ADAM22: variants seen among roughly 807,000 people sequenced by gnomAD.
The protein encoded by ADAM22 is disintegrin and metalloproteinase domain-containing protein 22.
In ADAM22, 65 loss-of-function variants were observed where a neutral mutation model predicts 144.6. The ratio of observed to expected loss-of-function variants is 0.45; its 90% CI spans 0.37 to 0.55. The LOEUF is 0.55. ADAM22 is among the 20% of genes least tolerant of loss of function. The pLI is 0.00. For synonymous variants in ADAM22, 391 were observed against 412.6 expected, an observed-to-expected ratio of 0.95 and a Z score of 0.63; for missense variants, 974 against 1,184.9, an observed-to-expected ratio of 0.82 and a Z score of 2.61.
intron 31 of ADAM22, among the ~76,000 whole-genome samples, chr7:88,195,240 CA>C (rs1295927927): frequency 6.6e-6 from 1 of 152,132 alleles, no homozygotes; most frequent in East Asian, 1.9e-4. Flanking sequence ...TGCCTGGAAA[CA>C]TATTTCATCA....
intron 4 of ADAM22, among the ~76,000 whole-genome samples, chr7:88,100,092 G>T (rs1822507450): frequency 6.6e-6 from 1 of 152,008 alleles, no homozygotes; most frequent in African/African-American, 2.4e-5. Flanking sequence ...AGAAATATAA[G>T]ATATTAACAA....
At chr7:87,954,190 G>A (rs1412989246) in intron 2 of ADAM22, among the ~76,000 whole-genome samples, 6 of 151,368 alleles carry the variant, frequency 4.0e-5, no homozygotes, top group Non-Finnish European at 1.5e-5. Flanking sequence ...TTATTATGAT[G>A]TTAGCTGGTT....
At chr7:88,066,380 T>C (rs747614655) in intron 3 of ADAM22, among the ~76,000 whole-genome samples, 5 of 152,124 alleles carry the variant, frequency 3.3e-5, no homozygotes, top group Non-Finnish European at 5.9e-5. Context: ...TTGGCCAGGG[T>C]AACTGGAAAA....
chr7:87,973,790 G>A lies in ADAM22; in HGVS notation c.247-4546G>A, dbSNP rs142557277. Among the ~76,000 whole-genome samples the A allele has an allele frequency of 2.5e-3, 379 of 152,234 alleles. 1 individual carries two copies. Among genetic ancestry groups the A allele is most frequent in the African/African-American group, 8.7e-3 (361 of 41,526 alleles). On this transcript the variant is annotated intron_variant, in intron 2 of 31. Transcript: ENST00000413139. ...ATGATGAGCTCATGTCCTTTGTAGGGACATGGATGAAGCTGGAAACCATCA... is the reference window on the plus strand; with the variant it reads ...ATGATGAGCTCATGTCCTTTGTAGGAACATGGATGAAGCTGGAAACCATCA...
At chr7:88,018,108 T>G (rs1386234724) in intron 3 of ADAM22, among the ~76,000 whole-genome samples, 1 of 152,174 alleles carries the variant, frequency 6.6e-6, no homozygotes, top group Non-Finnish European at 1.5e-5. Flanking sequence ...TTATCCCATG[T>G]TAATGAAAAT....
chr7:88,087,331 A>G (rs17150200), intron 4 of ADAM22, among the ~76,000 whole-genome samples: 4,416 of 152,198 alleles, frequency 0.029, 229 homozygotes, highest in African/African-American at 0.1. Context: ...CTACATCAAG[A>G]CCCTTTAGGC....
intron 4 of ADAM22, among the ~76,000 whole-genome samples, chr7:88,098,711 T>C (rs1290127980): frequency 6.6e-6 from 1 of 152,214 alleles, no homozygotes; most frequent in Non-Finnish European, 1.5e-5. Context: ...TGTCTTTCTT[T>C]TCCTTTCTTG....
intron 7 of ADAM22, among the ~76,000 whole-genome samples, chr7:88,117,480 A>C (rs558053771): frequency 6.6e-6 from 1 of 152,344 alleles, no homozygotes; most frequent in East Asian, 1.9e-4. Flanking sequence ...GTCGCTTCCA[A>C]GTCTTCACAT....
chr7:88,148,368 T>C (rs986582873), intron 17 of ADAM22, among the ~76,000 whole-genome samples: 1 of 152,218 alleles, frequency 6.6e-6, no homozygotes, highest in Admixed American at 6.6e-5. Flanking sequence ...AAGTTAAACA[T>C]TTATTTGTAT....
intron 4 of ADAM22, among the ~76,000 whole-genome samples, chr7:88,080,299 G>A (rs1425927862): frequency 1.3e-5 from 2 of 152,042 alleles, no homozygotes; most frequent in Admixed American, 6.6e-5. Context: ...TGAAACCAAC[G>A]AGAACAAAGA....
chr7:88,177,391 T>C (rs1220844314), intron 26 of ADAM22, among the ~76,000 whole-genome samples: 3 of 152,100 alleles, frequency 2.0e-5, no homozygotes. Context: ...AAATGTGAAG[T>C]TTCATATTAT....
intron 3 of ADAM22, among the ~76,000 whole-genome samples, chr7:88,024,347 A>G (rs1447997863): frequency 6.6e-6 from 1 of 152,132 alleles, no homozygotes; most frequent in Admixed American, 6.5e-5. Context: ...CCTCACCAGC[A>G]TTTGTTATTG....
chr7:88,145,437 A>G lies in ADAM22; in HGVS notation c.1415A>G (p.Glu472Gly). 6.2e-7 allele frequency: 1 copy of G among 1,613,606 alleles called. No homozygotes were observed. The highest frequency in any genetic ancestry group is 8.5e-7 in the Non-Finnish European group (1 of 1,179,576). Residue 472 changes from glutamate (E) to glycine (G), a missense_variant, in exon 17 of 32, where the codon GAG becomes GGG. Glu to Gly is a moderately conservative substitution (Grantham distance 98, BLOSUM62 -2). Transcript: ENST00000413139. ...TPAECVLEGA[E>G]CCKKCTLTQD... is the part of the protein sequence containing the mutation. ...TAGGAATGTGTCCTTGAAGGAGCAGAGTGTTGTAAGAAATGCACCTTGACT... is the reference window on the plus strand; with the variant it reads ...TAGGAATGTGTCCTTGAAGGAGCAGGGTGTTGTAAGAAATGCACCTTGACT...
chr7:88,017,693 G>T (rs747700250), intron 3 of ADAM22, among the ~76,000 whole-genome samples: 1 of 151,634 alleles, frequency 6.6e-6, no homozygotes, highest in South Asian at 2.1e-4. Flanking sequence ...TAGTTTCTAC[G>T]TCCATCTCCT....
intron 6 of ADAM22, 63 bp downstream of exon 6, chr7:88,114,710 T>C: frequency 6.7e-7 from 1 of 1,484,392 alleles, no homozygotes; most frequent in African/African-American, 1.4e-5. Context: ...TTTTTTCCTC[T>C]CCTTTTTTTA....
intron 3 of ADAM22, among the ~76,000 whole-genome samples, chr7:87,982,824 A>G (rs1422468513): frequency 6.7e-6 from 1 of 150,132 alleles, no homozygotes; most frequent in African/African-American, 2.5e-5. Flanking sequence ...CCTCCCGAGT[A>G]GCTGGAATTA....
chr7:88,113,703 A>AATAAATAAATATATATATATATATAT (rs1554478726), intron 5 of ADAM22, among the ~76,000 whole-genome samples: 1 of 48,100 alleles, frequency 2.1e-5, no homozygotes, highest in Non-Finnish European at 3.8e-5. Flanking sequence ...TAAATAAATA[A>AATAAATAAATATATATATATATATAT]ATATATATAT....
In ADAM22 at chr7:88,114,614, T is replaced by C. The variant is rs772472226; in HGVS notation, c.504T>C (p.Tyr168=). 7 of 1,613,856 alleles carry C rather than the reference T, an allele frequency of 4.3e-6. No homozygotes were observed. Among genetic ancestry groups the C allele is most frequent in the Non-Finnish European group, 2.5e-6 (3 of 1,179,898 alleles). ...HGMFYDGNHT[Y]LIEPEENDTT... ...TGTTCTATGACGGGAACCACACATA[T>C]CTCATTGAGCCAGAAGAAAATGACA... is the stretch of plus-strand genomic sequence containing the variant. The change falls in exon 6 of 32, where the codon TAT becomes TAC. Residue 168 remains tyrosine (Y), a synonymous_variant. Transcript: ENST00000413139.
intron 8 of ADAM22, among the ~76,000 whole-genome samples, chr7:88,126,917 T>C (rs1369683622): frequency 1.3e-5 from 2 of 151,888 alleles, no homozygotes; most frequent in Admixed American, 6.6e-5. Context: ...CCACATAGGG[T>C]GACTCTGTGG....
Sources: allele counts gnomAD v4.1 joint callset (sites outside exome capture counted in the v4.1 genomes callset), GRCh38; gene constraint gnomAD v4.1.1; transcripts MANE v1.5; gene names NCBI Gene and HGNC (gene_info 2026-07-23, HGNC 2026-07-21).